The following CIROP variants were observed in gnomAD, a reference collection of about 807,000 sequenced individuals.
The protein encoded by CIROP is ciliated left-right organizer metallopeptidase, also known as leishmanolysin homolog.
At chr14:23,101,623 C>T in the CIROP span, 2 of 702,702 alleles carry the variant, frequency 2.8e-6, no homozygotes, top group Admixed American at 2.0e-5. Flanking sequence ...AGTTGACTGC[C>T]TTCCAGACCC....
chr14:23,102,898 T>C, the CIROP span: 1 of 607,894 alleles, frequency 1.6e-6, no homozygotes, highest in Non-Finnish European at 2.9e-6. Context: ...ACCTGTTTGC[T>C]TCTCCCTATT....
the CIROP span, chr14:23,099,366 A>C: frequency 2.4e-6 from 1 of 413,432 alleles, no homozygotes. Context: ...TCACAGGAAG[A>C]GTGGCTCTTT....
At chr14:23,101,618 A>C in the CIROP span, 1 of 702,616 alleles carries the variant, frequency 1.4e-6, no homozygotes, top group South Asian at 1.5e-5. Flanking sequence ...TTTGAAGTTG[A>C]CTGCCTTCCA....
At chr14:23,102,818 C>T in the CIROP span, 1 of 671,506 alleles carries the variant, frequency 1.5e-6, no homozygotes. Flanking sequence ...GTTTGAGGCA[C>T]CTTCTATTCC....
the CIROP span, chr14:23,099,724 C>T: frequency 3.2e-6 from 1 of 315,816 alleles, no homozygotes; most frequent in Non-Finnish European, 6.0e-6. Context: ...ACCACCACGT[C>T]TGGCTAAGGG....
the CIROP span, chr14:23,101,562 A>C: frequency 1.5e-6 from 1 of 675,624 alleles, no homozygotes; most frequent in East Asian, 2.7e-5. Flanking sequence ...TCCAGCATTC[A>C]CTCTGAAGGG....
the CIROP span, chr14:23,104,195 C>A: frequency 1.6e-6 from 1 of 614,384 alleles, no homozygotes; most frequent in South Asian, 1.9e-5. Context: ...CGTATCCCCC[C>A]ACCACCCTTA....
chr14:23,102,040 A>G, the CIROP span: 1 of 701,446 alleles, frequency 1.4e-6, no homozygotes, highest in Non-Finnish European at 2.6e-6. Context: ...CACTTCCCCC[A>G]GAGCTGACTT....
chr14:23,101,896 A>G, the CIROP span: 1 of 702,422 alleles, frequency 1.4e-6, no homozygotes, highest in Non-Finnish European at 2.6e-6. Flanking sequence ...CACCAAGCCA[A>G]ATTCTGGGCC....
the CIROP span, chr14:23,101,723 G>GCAGCTTCCCT: frequency 1.4e-6 from 1 of 702,978 alleles, no homozygotes; most frequent in South Asian, 1.5e-5. Flanking sequence ...GGTCTGAGGA[G>GCAGCTTCCCT]CAGCTTCCCT....
At chr14:23,101,813 A>G in the CIROP span, 531 of 702,848 alleles carry the variant, frequency 7.6e-4, 1 homozygote, top group Non-Finnish European at 1.1e-3. Context: ...TGGCAGCCAT[A>G]CAGTCCCCTA....
At chr14:23,103,430 T>C in the CIROP span, 1 of 450,668 alleles carries the variant, frequency 2.2e-6, no homozygotes, top group Non-Finnish European at 3.9e-6. Context: ...GGTGCATGCC[T>C]GTAATCCTAG....
chr14:23,099,405 C>T, the CIROP span: 1 of 413,476 alleles, frequency 2.4e-6, no homozygotes, highest in Non-Finnish European at 4.4e-6. Flanking sequence ...CCATTACACC[C>T]ACCAGGATTA....
the CIROP span, chr14:23,100,689 G>T: frequency 5.0e-6 from 2 of 398,970 alleles, no homozygotes; most frequent in Non-Finnish European, 8.8e-6. Context: ...CACCTAAATG[G>T]ACATTTGAAT....
chr14:23,099,261 CCT>C, the CIROP span: 1 of 413,330 alleles, frequency 2.4e-6, no homozygotes, highest in Non-Finnish European at 4.4e-6. Flanking sequence ...TTCCTTACCC[CCT>C]GTCATGTTCT....
the CIROP span, chr14:23,101,109 T>G: frequency 2.5e-6 from 1 of 401,184 alleles, no homozygotes; most frequent in Non-Finnish European, 4.4e-6. Context: ...AGGATATGGT[T>G]TTGCCTTACC....
chr14:23,099,261 C>T, the CIROP span: 1 of 413,448 alleles, frequency 2.4e-6, no homozygotes, highest in Admixed American at 4.4e-5. Context: ...TTCCTTACCC[C>T]CTGTCATGTT....
the CIROP span, chr14:23,103,017 A>G: frequency 1.7e-6 from 1 of 575,880 alleles, no homozygotes; most frequent in East Asian, 2.8e-5. Flanking sequence ...TTCTGAGTCC[A>G]GCTGGCAGCA....
At chr14:23,103,917 T>C in the CIROP span, 6 of 621,776 alleles carry the variant, frequency 9.6e-6, no homozygotes, top group East Asian at 1.7e-4. Flanking sequence ...TCTGTCTTTG[T>C]GTTATCTAGG....
Sources: gnomAD v4.1 joint callset for allele counts on GRCh38, gnomAD v4.1.1 for gene constraint, MANE v1.5 for transcripts, NCBI Gene and HGNC (gene_info 2026-07-23, HGNC 2026-07-21) for gene names.